DHX38: variants seen among roughly 807,000 people sequenced by gnomAD.
DHX38 encodes DEAH-box helicase 38.
A neutral mutation model predicts 153.1 loss-of-function variants in DHX38; 100 were observed. That is an observed-to-expected ratio of 0.65 (90% CI 0.56 to 0.77). The LOEUF (loss-of-function observed/expected upper bound fraction) is 0.77. Among genes scored for constraint, DHX38 ranks in the 30% least tolerant of loss-of-function variants. DHX38 has a pLI of 0.00. For synonymous variants in DHX38, 650 were observed against 631.7 expected (o/e 1.03, Z -0.43); for missense variants, 1,440 against 1,654.0 (o/e 0.87, Z 2.24).
At chr16:72,106,176 C>T in intron 19 of DHX38, 59 bp downstream of exon 19, 1 of 1,549,030 alleles carries the variant, frequency 6.5e-7, no homozygotes, top group Middle Eastern at 1.8e-4. Flanking sequence ...GAGCGTGGAG[C>T]CCGGGCGGGG....
Position 72,104,128 on chromosome 16 carries a change from G to A in DHX38, c.2007G>A (p.Arg669=). The A allele has an allele frequency of 3.1e-6, 5 of 1,613,792 alleles. No homozygotes were observed. Among genetic ancestry groups the A allele is most frequent in the Non-Finnish European group, 4.2e-6 (5 of 1,179,732 alleles). ...LNTDVLFGLL[R]EVVARRSDLK... is the part of the protein sequence containing the mutation. ...CTGACGTGCTCTTTGGGCTGCTCCG[G>A]GAGGTGAGGGCTGTGTGGTTTGGTC... The change falls in exon 14 of 27, where the codon CGG becomes CGA. Residue 669 remains arginine (R), a synonymous_variant. Coordinates refer to ENST00000268482, the MANE Select transcript of DHX38 (RefSeq NM_014003.4). The surrounding 1 kb of genome is among the most constrained non-coding windows in gnomAD (Gnocchi z 4.5).
chr16:72,104,388 C>A lies in DHX38; in HGVS notation c.2011-98C>A. On this transcript the variant is annotated intron_variant, in intron 14 of 26. Coordinates refer to ENST00000268482, the MANE Select transcript of DHX38 (RefSeq NM_014003.4). This position sits in a 1 kb window ranked among gnomAD's most constrained non-coding sequence, Gnocchi z 4.5. ...AGAATTGAATAGGCCCATTTGTCAG[C>A]TTTGGCTTGTGTTTCCTCGGGGGTG... 6.6e-7 allele frequency: 1 copy of A among 1,518,732 alleles called. No individual in the cohort carries two copies. Among genetic ancestry groups the A allele is most frequent in the South Asian group, 1.2e-5 (1 of 82,958 alleles). 94.1% of individuals were successfully genotyped at this position (1,518,732 alleles called of 1,614,324 possible).
chr16:72,098,646 T>G lies in DHX38; in HGVS notation c.618T>G (p.Asp206Glu). 2 of 1,613,840 alleles carry G rather than the reference T, an allele frequency of 1.2e-6. No homozygotes were observed. The highest frequency in any genetic ancestry group is 2.2e-5 in the South Asian group (2 of 91,064). Reference protein sequence around the residue: ...EPESPRHRPKDAATPSRSTWE... With the variant: ...EPESPRHRPKEAATPSRSTWE... ...GTGGATGTGTCTTTTGTGGCCCAGA[T>G]GCAGCCACCCCTTCAAGGTCTACCT... is the stretch of plus-strand genomic sequence containing the variant. Residue 206 changes from aspartate to glutamate, a missense_variant and splice_region_variant, in exon 5 of 27, where the codon GAT becomes GAG. Coordinates refer to ENST00000268482, the MANE Select transcript of DHX38 (RefSeq NM_014003.4).
At position 72,104,188 on chromosome 16, in the gene DHX38, A is replaced by T; in HGVS notation, c.2010+57A>T. On this transcript the variant is annotated intron_variant, in intron 14 of 26. Coordinates refer to ENST00000268482, the MANE Select transcript of DHX38 (RefSeq NM_014003.4). The surrounding 1 kb of genome is among the most constrained non-coding windows in gnomAD (Gnocchi z 4.5). ...ATGGGGTGTTGACCAGTGCACCACC[A>T]GTAGCTAGTGGGTTGCTCCAGGTGG... 24 of 1,581,502 alleles carry T rather than the reference A, an allele frequency of 1.5e-5. No homozygotes were observed. The highest frequency in any genetic ancestry group is 2.1e-5 in the Non-Finnish European group (24 of 1,158,428).
chr16:72,098,357 C>T (rs570925302), intron 4 of DHX38, among the ~76,000 whole-genome samples: 48 of 152,042 alleles, frequency 3.2e-4, no homozygotes, highest in Non-Finnish European at 4.9e-4. Flanking sequence ...CACTTGTACC[C>T]GGGAGGCAGA....
chr16:72,101,806 C>A (rs2042105610), intron 11 of DHX38, among the ~76,000 whole-genome samples, 194 bp downstream of exon 11: 1 of 152,148 alleles, frequency 6.6e-6, no homozygotes, highest in Admixed American at 6.5e-5. Context: ...TATGTGATTC[C>A]TCCTCCCTCA....
intron 8 of DHX38, 139 bp from the exon 9 acceptor site, chr16:72,100,297 G>A: frequency 8.6e-7 from 1 of 1,166,652 alleles, no homozygotes; most frequent in Non-Finnish European, 1.2e-6. Context: ...TGTCTTTGGA[G>A]CTGTGGGTAG....
chr16:72,108,577 T>C lies in DHX38; in HGVS notation c.3225T>C (p.Ala1075=). 1 of 1,614,106 alleles carries C rather than the reference T, an allele frequency of 6.2e-7. No homozygotes were observed. The part of the protein sequence containing the change: ...DWDIVRKCIC[A]AYFHQAAKLK... ...ACATCGTCAGGAAGTGCATCTGTGC[T>C]GCCTATTTCCACCAAGCAGCCAAGC... The change falls in exon 23 of 27, where the codon GCT becomes GCC. Residue 1075 remains alanine, a synonymous_variant. Transcript: ENST00000268482.
At position 72,103,691 on chromosome 16, in the gene DHX38, A is replaced by T; in HGVS notation, c.1727A>T (p.Asp576Val). Reference protein sequence around the residue: ...TQYLHEDGYTDYGMIGCTQPR... With the variant: ...TQYLHEDGYTVYGMIGCTQPR... ...TACCTGCATGAAGATGGTTACACGGACTATGGGATGATTGGGTGTACCCAG... is the reference window on the plus strand; with the variant it reads ...TACCTGCATGAAGATGGTTACACGGTCTATGGGATGATTGGGTGTACCCAG... The change falls in exon 13 of 27, where the codon GAC becomes GTC. Residue 576 changes from aspartate (D) to valine (V), a missense_variant. Coordinates refer to ENST00000268482, the MANE Select transcript of DHX38 (RefSeq NM_014003.4). 6.2e-7 allele frequency: 1 copy of T among 1,614,156 alleles called. No individual in the cohort carries two copies. Among genetic ancestry groups the T allele is most frequent in the Non-Finnish European group, 8.5e-7 (1 of 1,180,018 alleles).
chr16:72,099,057 G>C lies in DHX38; in HGVS notation c.883+12G>C. 6.2e-7 allele frequency: 1 copy of C among 1,612,116 alleles called. No individual in the cohort carries two copies. Among genetic ancestry groups the C allele is most frequent in the South Asian group, 1.1e-5 (1 of 90,970 alleles). On this transcript the variant is annotated intron_variant, in intron 6 of 26. Transcript: ENST00000268482. ...GTCCAGGGGCCGAGGTGAGGCCTGT[G>C]GGGCAGCAGGCAGAAGAGCAGGCTT...
rs373902622 is a variant in DHX38 at position 72,104,260 on chromosome 16, G to A, written c.2010+129G>A. Reference sequence around the variant, plus strand: ...CCAGAGGTTCCTGAGGCCTCTGGTTGCAGTTCAGACTCGGGTTGTAGTTCA... The same window carrying A: ...CCAGAGGTTCCTGAGGCCTCTGGTTACAGTTCAGACTCGGGTTGTAGTTCA... On this transcript the variant is annotated intron_variant, in intron 14 of 26. Transcript: ENST00000268482. The surrounding 1 kb of genome is among the most constrained non-coding windows in gnomAD (Gnocchi z 4.5). 83 of 1,297,424 alleles carry A rather than the reference G, an allele frequency of 6.4e-5. 1 individual carries two copies. The South Asian group carries it at 1.1e-3, about 17-fold the overall frequency. 80.4% of individuals were successfully genotyped at this position (1,297,424 alleles called of 1,614,324 possible).
In DHX38 at chr16:72,096,202, C is replaced by A. The variant is rs768163199; in HGVS notation, c.45C>A (p.Gly15=). 1 of 1,612,552 alleles carries A rather than the reference C, an allele frequency of 6.2e-7. No homozygotes were observed. The highest frequency in any genetic ancestry group is 1.1e-5 in the South Asian group (1 of 91,044). Residue 15 remains glycine, a synonymous_variant, in exon 2 of 27, where the codon GGC becomes GGA. Coordinates refer to ENST00000268482, the MANE Select transcript of DHX38 (RefSeq NM_014003.4). ...ATGCCTCGATCCATCGATTGGAAGG[C>A]ACTGATCTGGACTGTCAGGTTGGTG... The part of the protein sequence containing the change: ...SEDASIHRLE[G]TDLDCQVGGL...
chr16:72,104,334 C>T lies in DHX38; in HGVS notation c.2011-152C>T, dbSNP rs1477138605. The T allele has an allele frequency of 2.4e-6, 3 of 1,234,532 alleles. No homozygotes were observed. Among genetic ancestry groups the T allele is most frequent in the Non-Finnish European group, 3.3e-6 (3 of 906,624 alleles). The allele number at this position is 1,234,532 out of a possible 1,614,324, so 76.5% of individuals were successfully genotyped here. On this transcript the variant is annotated intron_variant, in intron 14 of 26. Transcript: ENST00000268482. This position sits in a 1 kb window ranked among gnomAD's most constrained non-coding sequence, Gnocchi z 4.5. ...TGGCTTGGGGTTTTCTGGGCAGTGG[C>T]TCCATTGCTTCAGTCTTCATGATTG...
intron 19 of DHX38, 124 bp downstream of exon 19, chr16:72,106,241 G>A: frequency 1.2e-6 from 1 of 829,696 alleles, no homozygotes; most frequent in Non-Finnish European, 1.9e-6. Context: ...CTGCTGGCAG[G>A]GCTGCCACTT....
Position 72,112,607 on chromosome 16 carries a change from C to A in DHX38, c.*110C>A. On this transcript the variant is annotated 3_prime_UTR_variant, in exon 27 of 27. Coordinates refer to ENST00000268482, the MANE Select transcript of DHX38 (RefSeq NM_014003.4). ...TTTCATCTGAGGACTTTCATCTGTG[C>A]ATATCACGGCCCCCCAGGGCAGTTC... 8.6e-7 allele frequency: 1 copy of A among 1,165,480 alleles called. No individual in the cohort carries two copies. Among genetic ancestry groups the A allele is most frequent in the Non-Finnish European group, 1.2e-6 (1 of 800,576 alleles). The allele number at this position is 1,165,480 out of a possible 1,614,324, so 72.2% of individuals were successfully genotyped here.
chr16:72,106,188 C>T (rs946854690), intron 19 of DHX38, 71 bp downstream of exon 19: 31 of 1,457,890 alleles, frequency 2.1e-5, no homozygotes, highest in African/African-American at 9.7e-5. Flanking sequence ...CGGGCGGGGG[C>T]GGGCAGGATG....
intron 25 of DHX38, among the ~76,000 whole-genome samples, 158 bp from the exon 26 acceptor site, chr16:72,110,798 C>T (rs565476271): frequency 6.6e-6 from 1 of 151,930 alleles, no homozygotes; most frequent in South Asian, 2.1e-4. Flanking sequence ...GCCTCAGCTG[C>T]AGAAGAGAAG....
chr16:72,109,501 G>GTCAC lies in DHX38; in HGVS notation c.3469_3472dup (p.Arg1158LeufsTer74). The stretch of plus-strand genomic sequence containing the variant: ...TCTATAGCGTGAAACAGGCGGGCAA[G>GTCAC]TCACGGCAGGTGAGGATTCTGTGCT... On this transcript the variant is annotated frameshift_variant, in exon 25 of 27. Transcript: ENST00000268482. LOFTEE classifies it high-confidence loss of function. The GTCAC allele has an allele frequency of 1.2e-6, 2 of 1,611,870 alleles. No individual in the cohort carries two copies. The highest frequency in any genetic ancestry group is 2.7e-5 in the African/African-American group (2 of 74,932).
intron 11 of DHX38, 112 bp downstream of exon 11, chr16:72,101,724 GATAC>G: frequency 2.6e-6 from 2 of 770,084 alleles, no homozygotes. Context: ...AGACTCTTAG[GATAC>G]CTCTCTGCAT....
Sources: gnomAD v4.1 joint callset for allele counts (sites outside exome capture counted in the v4.1 genomes callset) on GRCh38, gnomAD v4.1.1 for gene constraint, Gnocchi (gnomAD v3.1) non-coding constraint, MANE v1.5 for transcripts, NCBI Gene and HGNC (gene_info 2026-07-23, HGNC 2026-07-21) for gene names.